CIB2: variants seen among roughly 807,000 people sequenced by gnomAD.
CIB2 encodes calcium and integrin binding family member 2, also known as calcium and integrin-binding family member 2.
Under a neutral mutation model 23.1 loss-of-function variants are expected in CIB2, and 19 were observed. The observed-to-expected ratio is 0.82, with a 90% CI of 0.57 to 1.21. CIB2 has a LOEUF of 1.21. Ranked by LOEUF, CIB2 falls within the 50% of genes most tolerant of loss-of-function variation. CIB2 has a pLI of 0.00. For synonymous variants in CIB2, 94 were observed against 91.7 expected (o/e 1.03, Z -0.14); for missense variants, 220 against 241.5 (o/e 0.91, Z 0.59).
intron 2 of CIB2, among the ~76,000 whole-genome samples, chr15:78,114,800 T>C (rs1245913885): frequency 6.7e-6 from 1 of 149,830 alleles, no homozygotes; most frequent in Non-Finnish European, 1.5e-5. Flanking sequence ...AATTAAAAAT[T>C]AGGTGGATGT....
intron 3 of CIB2, 150 bp downstream of exon 3, chr15:78,111,015 G>A (rs2304827): frequency 0.034 from 24,032 of 703,982 alleles, 808 homozygotes; most frequent in East Asian, 0.16. Context: ...GAGTACAGAT[G>A]AGGAAACTGA....
At chr15:78,123,786 A>C (rs376891829) in intron 1 of CIB2, 47 bp from the exon 2 acceptor site, 74 of 1,611,840 alleles carry the variant, frequency 4.6e-5, no homozygotes, top group Non-Finnish European at 5.9e-5. Context: ...CGGCTCCCAG[A>C]CTTTCTTCCT....
chr15:78,115,953 G>C (rs982118301), intron 2 of CIB2, among the ~76,000 whole-genome samples: 1 of 151,546 alleles, frequency 6.6e-6, no homozygotes, highest in Middle Eastern at 3.2e-3. Context: ...TCGCCATCCA[G>C]GTCCATGAGT....
At chr15:78,116,570 C>A (rs1343644003) in intron 2 of CIB2, among the ~76,000 whole-genome samples, 3 of 152,000 alleles carry the variant, frequency 2.0e-5, no homozygotes, top group African/African-American at 7.3e-5. Context: ...TTTTTGGTAT[C>A]CTTGGGAGGT....
At chr15:78,110,906 T>C (rs914882284) in intron 3 of CIB2, among the ~76,000 whole-genome samples, 2 of 152,008 alleles carry the variant, frequency 1.3e-5, no homozygotes, top group Non-Finnish European at 2.9e-5. Context: ...TGGGGCCACT[T>C]AACAAAGGGA....
chr15:78,105,200 G>C lies in CIB2; in HGVS notation c.*111C>G. The C allele has an allele frequency of 7.0e-7, 1 of 1,425,878 alleles. No homozygotes were observed. Among genetic ancestry groups the C allele is most frequent in the Non-Finnish European group, 9.7e-7 (1 of 1,026,520 alleles). 88.3% of individuals were successfully genotyped at this position (1,425,878 alleles called of 1,614,324 possible). ...GAAAGGGCCACAGGATATATTTGTG[G>C]TGTAAACCCCAGAGGCTGCCACTGC... On this transcript the variant is annotated 3_prime_UTR_variant, in exon 6 of 6. Transcript: ENST00000258930.
chr15:78,130,192 A>G (rs576763539), intron 1 of CIB2, among the ~76,000 whole-genome samples: 20 of 152,152 alleles, frequency 1.3e-4, no homozygotes, highest in Admixed American at 2.6e-4. Context: ...CCGCCTGGGG[A>G]GTCAGGGGAG....
At chr15:78,130,163 C>G (rs116152879) in intron 1 of CIB2, among the ~76,000 whole-genome samples, 1 of 152,156 alleles carries the variant, frequency 6.6e-6, no homozygotes, top group Non-Finnish European at 1.5e-5. Context: ...ACACAGGCCA[C>G]AACACAATCC....
At position 78,111,191 on chromosome 15, in the gene CIB2, G is replaced by C. The variant is rs1288898331; in HGVS notation, c.172C>G (p.Leu58Val). Residue 58 changes from leucine to valine, a missense_variant, in exon 3 of 6, where the codon CTC becomes GTC. Coordinates refer to ENST00000258930, the MANE Select transcript of CIB2 (RefSeq NM_006383.4). ...KSPIVHVPMS[L>V]IIQMPELREN... ...CGGAGCTCTGGCATCTGGATGATGA[G>C]GCTCATGGGCACGTGGACGATGGGG... The C allele has an allele frequency of 3.1e-6, 5 of 1,614,180 alleles. No homozygotes were observed. The highest frequency in any genetic ancestry group is 3.4e-6 in the Non-Finnish European group (4 of 1,180,022).
intron 2 of CIB2, chr15:78,120,533 AG>A (rs1386986919): frequency 4.1e-6 from 4 of 985,150 alleles, no homozygotes; most frequent in Non-Finnish European, 4.8e-6. Context: ...CAGCCTAATT[AG>A]GGCACAAGGG....
chr15:78,130,937 G>T (rs1166882112), intron 1 of CIB2, among the ~76,000 whole-genome samples: 1 of 152,196 alleles, frequency 6.6e-6, no homozygotes, highest in Non-Finnish European at 1.5e-5. Flanking sequence ...GGAGAGAGGC[G>T]CGCCTGAGAG....
At chr15:78,124,394 C>T (rs1376725447) in intron 1 of CIB2, among the ~76,000 whole-genome samples, 1 of 151,216 alleles carries the variant, frequency 6.6e-6, no homozygotes, top group South Asian at 2.1e-4. Context: ...GCTGGGGATC[C>T]CCAGGTAAGC....
chr15:78,116,022 C>T (rs966271535), intron 2 of CIB2, among the ~76,000 whole-genome samples: 6 of 152,022 alleles, frequency 3.9e-5, no homozygotes, highest in East Asian at 3.9e-4. Flanking sequence ...ATTGCATCTA[C>T]GCTAAACATG....
At chr15:78,129,891 G>A (rs2074430950) in intron 1 of CIB2, among the ~76,000 whole-genome samples, 1 of 152,194 alleles carries the variant, frequency 6.6e-6, no homozygotes, top group Non-Finnish European at 1.5e-5. Flanking sequence ...TTGATGCGTA[G>A]AGGGCATCAA....
intron 1 of CIB2, among the ~76,000 whole-genome samples, chr15:78,129,199 C>A (rs2074421591): frequency 6.6e-6 from 1 of 152,052 alleles, no homozygotes; most frequent in South Asian, 2.1e-4. Flanking sequence ...CTCAGGCTCA[C>A]CCCCACTCAG....
rs755346277 is a variant in CIB2, at chr15:78,109,290, C to G, written c.291G>C (p.Val97=). ...TFNDFVDMFS[V]LCESAPRELK... ...GCTCTCGGGGAGCCGACTCGCAGAGCACGGAAAACATGTCCACAAAGTCGT... is the reference window on the plus strand; with the variant it reads ...GCTCTCGGGGAGCCGACTCGCAGAGGACGGAAAACATGTCCACAAAGTCGT... Residue 97 remains valine (V), a synonymous_variant, in exon 4 of 6, where the codon GTG becomes GTC. Coordinates refer to ENST00000258930, the MANE Select transcript of CIB2 (RefSeq NM_006383.4). 1.9e-6 allele frequency: 3 copies of G among 1,602,636 alleles called. No individual in the cohort carries two copies. The highest frequency in any genetic ancestry group is 1.4e-5 in the African/African-American group (1 of 73,708).
At chr15:78,115,888 A>C (rs1026765247) in intron 2 of CIB2, among the ~76,000 whole-genome samples, 1 of 151,950 alleles carries the variant, frequency 6.6e-6, no homozygotes, top group Non-Finnish European at 1.5e-5. Flanking sequence ...TGGGATGCCT[A>C]TAATCACCAT....
intron 2 of CIB2, among the ~76,000 whole-genome samples, chr15:78,114,406 T>G (rs2074208073): frequency 6.6e-6 from 1 of 152,116 alleles, no homozygotes; most frequent in Admixed American, 6.5e-5. Context: ...CTCTGTCACC[T>G]CTCCCCCAAT....
In CIB2 at chr15:78,105,796, C is replaced by T; in HGVS notation, c.485G>A (p.Gly162Asp). 6.2e-7 allele frequency: 1 copy of T among 1,614,210 alleles called. No homozygotes were observed. Residue 162 changes from glycine (G) to aspartate (D), a missense_variant, in exon 5 of 6, where the codon GGC becomes GAC. Gly to Asp is a moderately conservative substitution (Grantham distance 94). Transcript: ENST00000258930. ...CTCGAAGTCAGCAAAGCCCAGCTTG[C>T]CGTCACCGTCCAAGTCAGCCTCCTC... is the stretch of plus-strand genomic sequence containing the variant. ...VIEEADLDGD[G>D]KLGFADFEDM... is the part of the protein sequence containing the mutation.
Sources: gnomAD v4.1 joint callset for allele counts (sites outside exome capture counted in the v4.1 genomes callset) on GRCh38, gnomAD v4.1.1 for gene constraint, MANE v1.5 for transcripts, NCBI Gene and HGNC (gene_info 2026-07-23, HGNC 2026-07-21) for gene names.